COBL: variants seen among roughly 807,000 people sequenced by gnomAD.
COBL encodes the protein cordon-bleu WH2 repeat protein.
COBL carries 51 observed loss-of-function variants against 98.8 expected under a neutral mutation model. That is an observed-to-expected ratio of 0.52 (90% CI 0.41 to 0.65). The LOEUF (loss-of-function observed/expected upper bound fraction) is 0.65. Among genes scored for constraint, COBL ranks in the 30% least tolerant of loss-of-function variants. The pLI, the probability that COBL is intolerant of heterozygous loss-of-function variation, is 0.00. For missense variants in COBL, 1,617 were observed against 1,617.5 expected (o/e 1.00, Z 0.01); for synonymous variants, 634 against 651.7 (o/e 0.97, Z 0.41).
rs1798678771 is a variant in COBL, at chr7:51,270,764, T to C, written c.41+45829A>G. ...CAAAGGTCTTTTTTTCAAAATTGAC[T>C]TGATGGCAATTTGCTCAATAATTAC... On this transcript the variant is annotated intron_variant, in intron 1 of 12. Transcript: ENST00000265136. 2.0e-5 allele frequency among the ~76,000 whole-genome samples: 3 copies of C among 152,196 alleles called. No individual in the cohort carries two copies. In the South Asian group the frequency reaches 6.2e-4, roughly 32 times the overall value.
intron 1 of COBL, among the ~76,000 whole-genome samples, chr7:51,308,020 A>G (rs1391500830): frequency 3.9e-5 from 6 of 152,212 alleles, no homozygotes; most frequent in Non-Finnish European, 8.8e-5. Context: ...ACCCAAAACC[A>G]ATTCTACCTG....
chr7:51,103,445 T>C (rs1431213516), intron 6 of COBL, among the ~76,000 whole-genome samples: 1 of 152,184 alleles, frequency 6.6e-6, no homozygotes, highest in Non-Finnish European at 1.5e-5. Flanking sequence ...ATTTTACTTT[T>C]TCAGAAGGTA....
intron 1 of COBL, 91 bp from the exon 2 acceptor site, chr7:51,220,035 T>C (rs1793480488): frequency 1.6e-6 from 2 of 1,243,788 alleles, no homozygotes; most frequent in Non-Finnish European, 2.2e-6. Context: ...CAGGTCTGTC[T>C]TCAGGAGCAC....
intron 2 of COBL, among the ~76,000 whole-genome samples, chr7:51,195,372 T>C (rs1012804213): frequency 6.6e-6 from 1 of 152,210 alleles, no homozygotes; most frequent in East Asian, 1.9e-4. Flanking sequence ...TCCATTGCCC[T>C]ATGTGTCTGT....
chr7:51,100,070 C>T (rs1390792464), intron 6 of COBL, among the ~76,000 whole-genome samples: 1 of 152,082 alleles, frequency 6.6e-6, no homozygotes, highest in African/African-American at 2.4e-5. Context: ...TATTTCCACC[C>T]TATTTGTTGA....
intron 5 of COBL, 88 bp downstream of exon 5, chr7:51,184,014 A>C: frequency 4.9e-6 from 3 of 618,150 alleles, no homozygotes; most frequent in Non-Finnish European, 8.1e-6. Flanking sequence ...AATTGTTTAG[A>C]AAAGTTCCAG....
At chr7:51,312,268 T>C (rs888451001) in intron 1 of COBL, among the ~76,000 whole-genome samples, 1 of 151,782 alleles carries the variant, frequency 6.6e-6, no homozygotes, top group Non-Finnish European at 1.5e-5. Context: ...GAAGTGGAGG[T>C]TGCAGTGAGC....
intron 1 of COBL, among the ~76,000 whole-genome samples, chr7:51,244,804 G>A (rs146826145): frequency 2.6e-5 from 4 of 152,140 alleles, no homozygotes; most frequent in East Asian, 3.9e-4. Context: ...GGAAGACCTC[G>A]CCCAACATGT....
chr7:51,196,882 T>C (rs1336458032), intron 2 of COBL, among the ~76,000 whole-genome samples: 3 of 152,006 alleles, frequency 2.0e-5, no homozygotes, highest in Admixed American at 6.6e-5. Flanking sequence ...CCTCACTTGC[T>C]ATTTCTGGTT....
intron 1 of COBL, among the ~76,000 whole-genome samples, chr7:51,271,211 A>G (rs1030620955): frequency 3.3e-5 from 5 of 152,216 alleles, no homozygotes; most frequent in Admixed American, 6.5e-5. Context: ...ACAGGGCCAC[A>G]AAGCTGCAAA....
chr7:51,067,434 T>G (rs1291768953), intron 7 of COBL, among the ~76,000 whole-genome samples: 1 of 152,248 alleles, frequency 6.6e-6, no homozygotes, highest in Admixed American at 6.5e-5. Flanking sequence ...AATGTGCACA[T>G]GTATTGTGTG....
intron 1 of COBL, among the ~76,000 whole-genome samples, chr7:51,264,693 A>AAAAAAAAAAAAAAAAAT: frequency 6.6e-6 from 1 of 151,456 alleles, no homozygotes. Flanking sequence ...AAAAAAAAAA[A>AAAAAAAAAAAAAAAAAT]AAGCAACCTC....
At chr7:51,175,922 C>A (rs917054195) in intron 5 of COBL, among the ~76,000 whole-genome samples, 1 of 152,214 alleles carries the variant, frequency 6.6e-6, no homozygotes, top group African/African-American at 2.4e-5. Flanking sequence ...TACCTTCCCA[C>A]GTTTTCCTGC....
intron 7 of COBL, among the ~76,000 whole-genome samples, chr7:51,082,034 T>G (rs1793708368): frequency 6.6e-6 from 1 of 152,162 alleles, no homozygotes; most frequent in Non-Finnish European, 1.5e-5. Context: ...TGAAGAAAGA[T>G]AAAATGAATC....
At chr7:51,040,202 A>C (rs1562831127) in intron 8 of COBL, among the ~76,000 whole-genome samples, 1 of 152,090 alleles carries the variant, frequency 6.6e-6, no homozygotes, top group Non-Finnish European at 1.5e-5. Flanking sequence ...TAAAAAAAAA[A>C]AAAAAACCTC....
Position 51,296,208 on chromosome 7 carries a change from C to T in COBL, c.41+20385G>A, listed in dbSNP as rs1584432932. Reference sequence around the variant, plus strand: ...AGCAGGGACACCCATGATATCAGCACATAGGTGAATTTTAATTAATACTGA... The same window carrying T: ...AGCAGGGACACCCATGATATCAGCATATAGGTGAATTTTAATTAATACTGA... On this transcript the variant is annotated intron_variant, in intron 1 of 12. Coordinates refer to ENST00000265136, the MANE Select transcript of COBL (RefSeq NM_015198.5). Among the ~76,000 whole-genome samples the T allele has an allele frequency of 2.0e-5, 3 of 152,256 alleles. No individual in the cohort carries two copies. In the East Asian group the frequency reaches 5.8e-4, roughly 29 times the overall value.
intron 5 of COBL, among the ~76,000 whole-genome samples, chr7:51,158,437 A>T (rs1786417106): frequency 6.6e-6 from 1 of 151,794 alleles, no homozygotes; most frequent in Admixed American, 6.6e-5. Context: ...GCTCAACAGG[A>T]AGAAAAGGGA....
chr7:51,017,640 G>A, intron 12 of COBL, 72 bp from the exon 13 acceptor site: 3 of 1,513,580 alleles, frequency 2.0e-6, no homozygotes, highest in Non-Finnish European at 2.8e-6. Flanking sequence ...TGGTGCTAGA[G>A]AGCTCTGTGC....
At chr7:51,119,329 G>A (rs748331658) in intron 6 of COBL, among the ~76,000 whole-genome samples, 1 of 152,100 alleles carries the variant, frequency 6.6e-6, no homozygotes, top group African/African-American at 2.4e-5. Flanking sequence ...TCAATACTAA[G>A]GGAAACATTG....
Sources: gnomAD v4.1 joint callset for allele counts (sites outside exome capture counted in the v4.1 genomes callset) on GRCh38, gnomAD v4.1.1 for gene constraint, MANE v1.5 for transcripts, NCBI Gene and HGNC (gene_info 2026-07-23, HGNC 2026-07-21) for gene names.